The following SLC44A1 variants were observed in gnomAD, a reference collection of about 807,000 sequenced individuals.
The protein encoded by SLC44A1 is solute carrier family 44 member 1.
Under a neutral mutation model 79.3 loss-of-function variants are expected in SLC44A1, and 26 were observed. That is an observed-to-expected ratio of 0.33 (90% CI 0.24 to 0.46). The LOEUF is 0.46. SLC44A1 is among the 20% of genes least tolerant of loss of function. The probability of loss-of-function intolerance (pLI) is 1.00; values close to 1 mark genes in which losing one functional copy is unlikely to be tolerated. For missense variants in SLC44A1, 688 were observed against 798.1 expected (o/e 0.86, Z 1.66); for synonymous variants, 263 against 286.2 (o/e 0.92, Z 0.82).
At position 105,392,787 on chromosome 9, in the gene SLC44A1, C is replaced by T. The variant is rs1036108264; in HGVS notation, c.*3731C>T. On this transcript the variant is annotated 3_prime_UTR_variant, in exon 16 of 16. Coordinates refer to ENST00000374720, the MANE Select transcript of SLC44A1 (RefSeq NM_080546.5). ...GGGATCAGTTCCAAAACCAGAACTG[C>T]CAGTAATGGTGACTTGAATATTTTA... is the stretch of plus-strand genomic sequence containing the variant. The T allele has an allele frequency of 1.0e-6, 1 of 985,302 alleles. No individual in the cohort carries two copies. 61.0% of individuals were successfully genotyped at this position (985,302 alleles called of 1,614,324 possible). A position where few individuals can be genotyped will look rare whatever the true frequency, so the allele number is the denominator to read the frequency against.
chr9:105,296,458 A>ATTAT (rs1219550411), intron 1 of SLC44A1, among the ~76,000 whole-genome samples: 1 of 152,240 alleles, frequency 6.6e-6, no homozygotes, highest in Non-Finnish European at 1.5e-5. Context: ...AAATTTAGGC[A>ATTAT]TTAATGAACT....
At chr9:105,417,335 T>C (rs1314060562) in intron 15 of SLC44A1, among the ~76,000 whole-genome samples, 3 of 152,246 alleles carry the variant, frequency 2.0e-5, no homozygotes, top group Non-Finnish European at 2.9e-5. Flanking sequence ...GCTCACTTTG[T>C]GGTCGTACAC....
intron 1 of SLC44A1, among the ~76,000 whole-genome samples, chr9:105,290,303 A>G (rs1181325548): frequency 2.0e-5 from 3 of 152,234 alleles, no homozygotes; most frequent in African/African-American, 4.8e-5. Flanking sequence ...GCTTTGGTCT[A>G]TCAGTCTGTC....
chr9:105,407,508 C>A (rs1410895940), intron 15 of SLC44A1, among the ~76,000 whole-genome samples: 4 of 151,990 alleles, frequency 2.6e-5, no homozygotes, highest in African/African-American at 9.7e-5. Flanking sequence ...GTATAGTAAC[C>A]CTGAAAGAAA....
chr9:105,276,614 G>A (rs1006700458), intron 1 of SLC44A1, among the ~76,000 whole-genome samples: 2 of 136,136 alleles, frequency 1.5e-5, no homozygotes, highest in South Asian at 2.2e-4. Flanking sequence ...GTGTGTGTGT[G>A]TGTGTATGTG....
At chr9:105,254,267 A>G (rs767926719) in intron 1 of SLC44A1, among the ~76,000 whole-genome samples, 2 of 152,108 alleles carry the variant, frequency 1.3e-5, no homozygotes, top group Non-Finnish European at 2.9e-5. Flanking sequence ...CAAGATGGCT[A>G]TGGCTCTTCT....
In SLC44A1 at chr9:105,392,403, CTTTTTTTTTTTTTTT is replaced by C. The variant is rs57226567; in HGVS notation, c.*3360_*3374del. The C allele has an allele frequency of 4.7e-4, 288 of 610,898 alleles. No individual in the cohort carries two copies. Among genetic ancestry groups the C allele is most frequent in the Non-Finnish European group, 1.1e-4 (58 of 536,352 alleles). The allele number at this position is 610,898 out of a possible 1,614,324, so 37.8% of individuals were successfully genotyped here. A position where few individuals can be genotyped will look rare whatever the true frequency, so the allele number is the denominator to read the frequency against. On this transcript the variant is annotated 3_prime_UTR_variant, in exon 16 of 16. Coordinates refer to ENST00000374720, the MANE Select transcript of SLC44A1 (RefSeq NM_080546.5). Reference sequence around the variant, plus strand: ...GTAGAGATGCTCTCTCTCTCTCTCTCTTTTTTTTTTTTTTTTTTTTTTTTTTTCCGTGAGGGCATT... The same window carrying C: ...GTAGAGATGCTCTCTCTCTCTCTCTCTTTTTTTTTTTTCCGTGAGGGCATT...
chr9:105,292,822 C>T (rs946664784), intron 1 of SLC44A1, among the ~76,000 whole-genome samples: 2 of 152,150 alleles, frequency 1.3e-5, no homozygotes, highest in Non-Finnish European at 2.9e-5. Flanking sequence ...CTTGTTGCAT[C>T]TCAAGTATTT....
chr9:105,380,728 A>T (rs969386125), intron 13 of SLC44A1, among the ~76,000 whole-genome samples: 7 of 152,098 alleles, frequency 4.6e-5, no homozygotes, highest in Admixed American at 3.3e-4. Flanking sequence ...ATCTCCATCC[A>T]TGTGGATCTC....
At chr9:105,385,357 G>T (rs1564043095) in intron 14 of SLC44A1, 65 bp from the exon 15 acceptor site, 1 of 1,134,754 alleles carries the variant, frequency 8.8e-7, no homozygotes. Context: ...ATGTTCTTTA[G>T]AATTCATCTA....
At chr9:105,316,133 T>C (rs1831317740) in intron 3 of SLC44A1, among the ~76,000 whole-genome samples, 1 of 148,780 alleles carries the variant, frequency 6.7e-6, no homozygotes, top group Admixed American at 6.7e-5. Flanking sequence ...ATAAACATAC[T>C]TTTTTTTTTA....
At chr9:105,336,887 T>C (rs1402027671) in intron 4 of SLC44A1, among the ~76,000 whole-genome samples, 3 of 152,022 alleles carry the variant, frequency 2.0e-5, no homozygotes, top group African/African-American at 4.8e-5. Context: ...GTAATGAGGG[T>C]AAAGGGTAAA....
At chr9:105,329,845 A>G (rs919770887) in intron 3 of SLC44A1, among the ~76,000 whole-genome samples, 16 of 151,914 alleles carry the variant, frequency 1.1e-4, no homozygotes, top group South Asian at 4.2e-4. Context: ...TTCCTACTCA[A>G]TTTCAAAATA....
At chr9:105,380,284 C>T (rs1173581319) in intron 13 of SLC44A1, among the ~76,000 whole-genome samples, 1 of 152,178 alleles carries the variant, frequency 6.6e-6, no homozygotes, top group African/African-American at 2.4e-5. Flanking sequence ...TTCCCACATC[C>T]TACCTAAAGC....
At chr9:105,388,123 A>G (rs1828678555) in intron 15 of SLC44A1, among the ~76,000 whole-genome samples, 1 of 152,198 alleles carries the variant, frequency 6.6e-6, no homozygotes, top group African/African-American at 2.4e-5. Context: ...GTCCCTAAGA[A>G]TGATGTTTTA....
At chr9:105,290,397 A>T (rs327981) in intron 1 of SLC44A1, among the ~76,000 whole-genome samples, 26,833 of 152,146 alleles carry the variant, frequency 0.18, 3,680 homozygotes, top group African/African-American at 0.38. Context: ...ACTATAATTT[A>T]AAAAAATTAA....
rs76576813 is a variant in SLC44A1 at position 105,338,737 on chromosome 9, G to C, written c.406+3038G>C. Among the ~76,000 whole-genome samples, 1,110 of 152,282 alleles carry C rather than the reference G, an allele frequency of 7.3e-3. 13 individuals carry two copies. The highest frequency in any genetic ancestry group is 9.2e-3 in the Non-Finnish European group (623 of 68,016). ...CATTCAGTTATCCTCTCAATCATTTGAGGTGCAAGTTGATTCAAGAGTAGC... is the reference window on the plus strand; with the variant it reads ...CATTCAGTTATCCTCTCAATCATTTCAGGTGCAAGTTGATTCAAGAGTAGC... On this transcript the variant is annotated intron_variant, in intron 4 of 15. Coordinates refer to ENST00000374720, the MANE Select transcript of SLC44A1 (RefSeq NM_080546.5).
intron 15 of SLC44A1, among the ~76,000 whole-genome samples, chr9:105,387,038 CAAA>C (rs1554688948): frequency 4.6e-5 from 1 of 21,794 alleles, no homozygotes; most frequent in Non-Finnish European, 8.5e-5. Context: ...GACTCCATCT[CAAA>C]AAAAAAAAAA....
At chr9:105,249,439 A>G (rs1359721985) in intron 1 of SLC44A1, among the ~76,000 whole-genome samples, 3 of 152,186 alleles carry the variant, frequency 2.0e-5, no homozygotes, top group African/African-American at 7.2e-5. Flanking sequence ...TCTTCTGAAT[A>G]CTGTGTTGTT....
Sources: allele counts gnomAD v4.1 joint callset (sites outside exome capture counted in the v4.1 genomes callset), GRCh38; gene constraint gnomAD v4.1.1; transcripts MANE v1.5; gene names NCBI Gene and HGNC (gene_info 2026-07-23, HGNC 2026-07-21).